Variants in RBFOX1 observed in about 807,000 individuals in gnomAD.
RBFOX1 encodes the protein RNA binding fox-1 homolog 1.
In RBFOX1, 8 loss-of-function variants were observed where a neutral mutation model predicts 57.7. That is an observed-to-expected ratio of 0.14 (90% CI 0.08 to 0.25). The LOEUF (loss-of-function observed/expected upper bound fraction) is 0.25. Ranked by LOEUF, RBFOX1 falls within the 10% of genes least tolerant of loss-of-function variation. RBFOX1 has a pLI of 1.00. For synonymous variants in RBFOX1, 326 were observed against 222.4 expected, an observed-to-expected ratio of 1.47 and a Z score of -4.15; for missense variants, 611 against 548.5, an observed-to-expected ratio of 1.11 and a Z score of -1.14.
chr16:6,406,660 C>G (rs1482304893), intron 2 of RBFOX1, among the ~76,000 whole-genome samples: 2 of 150,778 alleles, frequency 1.3e-5, no homozygotes, highest in Non-Finnish European at 2.9e-5. Flanking sequence ...TCATCCTGTT[C>G]CTATGCTCGG....
chr16:6,281,892 G>C (rs1199858355), intron 1 of RBFOX1, among the ~76,000 whole-genome samples: 1 of 152,018 alleles, frequency 6.6e-6, no homozygotes. Context: ...AATTTGACAA[G>C]GCTACCCCAC....
intron 2 of RBFOX1, among the ~76,000 whole-genome samples, chr16:6,474,486 A>G (rs2095242184): frequency 6.6e-6 from 1 of 152,208 alleles, no homozygotes. Flanking sequence ...TTTAGTTTAA[A>G]AGGCAATTAA....
At position 6,720,893 on chromosome 16, in the gene RBFOX1, C is replaced by A. The variant is rs148532849; in HGVS notation, c.-16+66243C>A. On this transcript the variant is annotated intron_variant, in intron 3 of 15. Coordinates refer to ENST00000550418, the MANE Select transcript of RBFOX1 (RefSeq NM_018723.4). ...CTCTTTGCACAATCCATCCATTTTA[C>A]CTTAACATGATGCTACCATGTTATT... Among the ~76,000 whole-genome samples, 1,337 of 152,242 alleles carry A rather than the reference C, an allele frequency of 8.8e-3. 15 individuals carry two copies. Among genetic ancestry groups the A allele is most frequent in the African/African-American group, 0.031 (1,271 of 41,544 alleles).
In RBFOX1 at chr16:6,139,784, T is replaced by C. The variant is rs147450346; in HGVS notation, c.-127+119792T>C. Among the ~76,000 whole-genome samples the C allele has an allele frequency of 3.0e-3, 454 of 152,318 alleles. 2 individuals carry two copies. Among genetic ancestry groups the C allele is most frequent in the African/African-American group, 0.011 (446 of 41,566 alleles). On this transcript the variant is annotated intron_variant, in intron 1 of 15. Coordinates refer to ENST00000550418, the MANE Select transcript of RBFOX1 (RefSeq NM_018723.4). ...CTCCTTATGTATCTGTTTTTGTTTC[T>C]CCTTCTCCTGTCCTGTTCCCCATTT...
chr16:6,591,590 C>T (rs955735873), intron 2 of RBFOX1, among the ~76,000 whole-genome samples: 1 of 152,168 alleles, frequency 6.6e-6, no homozygotes, highest in Non-Finnish European at 1.5e-5. Flanking sequence ...GGGAGTGACC[C>T]AGTCATTTTT....
intron 1 of RBFOX1, among the ~76,000 whole-genome samples, chr16:5,385,111 G>A (rs1367871818): frequency 6.6e-6 from 1 of 152,208 alleles, no homozygotes; most frequent in Non-Finnish European, 1.5e-5. Flanking sequence ...AATTATTATT[G>A]TGGCAAATAT....
intron 2 of RBFOX1, among the ~76,000 whole-genome samples, chr16:6,652,279 T>C (rs1303799761): frequency 6.6e-6 from 1 of 152,066 alleles, no homozygotes; most frequent in Non-Finnish European, 1.5e-5. Flanking sequence ...TGAAATCCCA[T>C]CTCTACTAAA....
At chr16:6,250,094 G>C (rs988333637) in intron 1 of RBFOX1, among the ~76,000 whole-genome samples, 1 of 152,156 alleles carries the variant, frequency 6.6e-6, no homozygotes. Flanking sequence ...GCCCCTTGCA[G>C]ATAAGGCATG....
chr16:6,019,504 A>C lies in RBFOX1; in HGVS notation c.-615A>C. On this transcript the variant is annotated 5_prime_UTR_variant, in exon 1 of 16. Coordinates refer to ENST00000550418, the MANE Select transcript of RBFOX1 (RefSeq NM_018723.4). This position sits in a 1 kb window ranked among gnomAD's most constrained non-coding sequence, Gnocchi z 4.2. ...CCCTCCGCCCCAGCCCCCCAGCAGC[A>C]CCCGCGGTGGGGCGGGGGCGCTCTG... 9.7e-7 allele frequency: 1 copy of C among 1,028,070 alleles called. No individual in the cohort carries two copies. The highest frequency in any genetic ancestry group is 1.2e-6 in the Non-Finnish European group (1 of 857,910). The allele number at this position is 1,028,070 out of a possible 1,614,324, so 63.7% of individuals were successfully genotyped here.
rs991108219 is a variant in RBFOX1, at chr16:5,386,454, A to G, written c.220-80762A>G. 2.6e-5 allele frequency among the ~76,000 whole-genome samples: 4 copies of G among 152,214 alleles called. No homozygotes were observed. The East Asian group carries it at 5.8e-4, about 22-fold the overall frequency. On this transcript the variant is annotated intron_variant, in intron 1 of 2. Transcript: ENST00000585867. ...AGGGCTGTTCCTAGTGCTCCAGCAT[A>G]GAAGCCAAAGCTGTCAGCTTCATAT... is the stretch of plus-strand genomic sequence containing the variant.
intron 4 of RBFOX1, among the ~76,000 whole-genome samples, chr16:7,242,108 C>T (rs1326042010): frequency 2.6e-5 from 4 of 152,062 alleles, no homozygotes; most frequent in African/African-American, 9.7e-5. Context: ...CCAAATTTTC[C>T]TTCTGTTGAG....
At chr16:7,703,977 T>G (rs2081589114) in intron 14 of RBFOX1, among the ~76,000 whole-genome samples, 1 of 152,164 alleles carries the variant, frequency 6.6e-6, no homozygotes, top group Non-Finnish European at 1.5e-5. Context: ...TAAGAAGCCA[T>G]GTATCATAAT....
At chr16:6,876,144 T>C (rs1347536798) in intron 3 of RBFOX1, among the ~76,000 whole-genome samples, 1 of 150,998 alleles carries the variant, frequency 6.6e-6, no homozygotes, top group Non-Finnish European at 1.5e-5. Context: ...GATTGCACCA[T>C]TGCACTCCAG....
At chr16:7,450,578 A>T (rs764455253) in intron 4 of RBFOX1, among the ~76,000 whole-genome samples, 3 of 152,082 alleles carry the variant, frequency 2.0e-5, no homozygotes, top group African/African-American at 4.8e-5. Flanking sequence ...TGAGTGTCTT[A>T]AGGAGGAAAA....
At chr16:7,327,482 C>G (rs965326159) in intron 4 of RBFOX1, among the ~76,000 whole-genome samples, 1 of 152,124 alleles carries the variant, frequency 6.6e-6, no homozygotes, top group Non-Finnish European at 1.5e-5. Flanking sequence ...CTGCACAAAT[C>G]TGTATTTTGA....
At chr16:6,761,738 C>T (rs2076635986) in intron 3 of RBFOX1, among the ~76,000 whole-genome samples, 1 of 151,774 alleles carries the variant, frequency 6.6e-6, no homozygotes, top group Admixed American at 6.6e-5. Flanking sequence ...AATTCCTGAC[C>T]TTGTGATCCA....
chr16:7,403,310 T>A (rs1400056521), intron 4 of RBFOX1, among the ~76,000 whole-genome samples: 1 of 152,148 alleles, frequency 6.6e-6, no homozygotes. Context: ...GTCACCGTGC[T>A]ATACATTAGA....
chr16:5,295,025 T>TA (rs34929778), intron 1 of RBFOX1, among the ~76,000 whole-genome samples: 63,088 of 80,250 alleles, frequency 0.79, 26,387 homozygotes, highest in East Asian at 0.98. Flanking sequence ...GTGAGACTCT[T>TA]AAAAAAAAAA....
At chr16:5,438,001 G>C (rs1023611843) in intron 1 of RBFOX1, among the ~76,000 whole-genome samples, 2 of 152,174 alleles carry the variant, frequency 1.3e-5, no homozygotes, top group Admixed American at 1.3e-4. Flanking sequence ...TTGTCAAGGG[G>C]ACACCTTTGA....
Sources: gnomAD v4.1 joint callset for allele counts (sites outside exome capture counted in the v4.1 genomes callset) on GRCh38, gnomAD v4.1.1 for gene constraint, Gnocchi (gnomAD v3.1) non-coding constraint, MANE v1.5 for transcripts, NCBI Gene and HGNC (gene_info 2026-07-23, HGNC 2026-07-21) for gene names.